ROBO2: variants seen among roughly 807,000 people sequenced by gnomAD.
The protein encoded by ROBO2 is roundabout guidance receptor 2, also known as roundabout homolog 2.
In ROBO2, 53 loss-of-function variants were observed where a neutral mutation model predicts 160.8. The observed-to-expected ratio is 0.33, with a 90% CI of 0.26 to 0.41. The LOEUF (loss-of-function observed/expected upper bound fraction) is 0.41. Among genes scored for constraint, ROBO2 ranks in the 10% least tolerant of loss-of-function variants. ROBO2 has a pLI of 1.00. For missense variants in ROBO2, 1,577 were observed against 1,722.4 expected (o/e 0.92, Z 1.49); for synonymous variants, 664 against 611.7 (o/e 1.09, Z -1.26).
intron 2 of ROBO2, among the ~76,000 whole-genome samples, chr3:76,651,926 C>T (rs2091274857): frequency 6.6e-6 from 1 of 152,138 alleles, no homozygotes; most frequent in South Asian, 2.1e-4. Context: ...AAGTACCTCC[C>T]CTTCCTTGCT....
At chr3:76,175,074 T>C (rs1425732319) in intron 2 of ROBO2, among the ~76,000 whole-genome samples, 1 of 152,158 alleles carries the variant, frequency 6.6e-6, no homozygotes, top group Non-Finnish European at 1.5e-5. Context: ...GAAGAGGTCC[T>C]TCATGTCCCT....
chr3:77,130,814 A>G (rs1207344146), intron 2 of ROBO2, among the ~76,000 whole-genome samples: 1 of 152,162 alleles, frequency 6.6e-6, no homozygotes, highest in East Asian at 1.9e-4. Flanking sequence ...CTTCAAAGTA[A>G]TCGCCATGAT....
intron 2 of ROBO2, among the ~76,000 whole-genome samples, chr3:76,003,595 C>T (rs374929423): frequency 6.6e-6 from 1 of 152,106 alleles, no homozygotes; most frequent in Non-Finnish European, 1.5e-5. Flanking sequence ...TACAGTTGGC[C>T]TTTCATGTGT....
In ROBO2 at chr3:77,474,691, C is replaced by CACACACACACACAT. The variant is rs1553973682; in HGVS notation, c.389-2723_389-2722insACACACACACACAT. On this transcript the variant is annotated intron_variant, in intron 2 of 25. Transcript: ENST00000461745. ...ACACACACACACACACACACACACA[C>CACACACACACACAT]TCAATTTAGAATTTAAAATTGCTTT... Among the ~76,000 whole-genome samples the CACACACACACACAT allele has an allele frequency of 1.5e-4, 22 of 150,854 alleles. 1 individual carries two copies. Among genetic ancestry groups the CACACACACACACAT allele is most frequent in the Admixed American group, 1.1e-3 (17 of 15,132 alleles).
intron 2 of ROBO2, among the ~76,000 whole-genome samples, chr3:76,513,379 G>C (rs2081196115): frequency 6.6e-6 from 1 of 152,022 alleles, no homozygotes; most frequent in African/African-American, 2.4e-5. Flanking sequence ...CTGAGGAAGA[G>C]TCTCACTCTG....
At chr3:76,008,232 C>CAAAAAAAAAAAA (rs5850225) in intron 2 of ROBO2, among the ~76,000 whole-genome samples, 1 of 82,280 alleles carries the variant, frequency 1.2e-5, no homozygotes, top group East Asian at 3.5e-4. Context: ...AAGACTCTGT[C>CAAAAAAAAAAAA]AAAAAAAAAA....
Position 76,443,957 on chromosome 3 carries a change from T to A in ROBO2, c.109+506355T>A, listed in dbSNP as rs142834150. On this transcript the variant is annotated intron_variant, in intron 2 of 26. Transcript: ENST00000487694. ...CATTTCTCCAAATGTTTTTAGATTT[T>A]AAAAAATATCATTATTATTATTATT... Among the ~76,000 whole-genome samples the A allele has an allele frequency of 4.2e-3, 642 of 152,156 alleles. 1 individual carries two copies. The highest frequency in any genetic ancestry group is 0.023 in the South Asian group (112 of 4,814).
chr3:77,214,977 G>A (rs1437977704), intron 2 of ROBO2, among the ~76,000 whole-genome samples: 5 of 152,224 alleles, frequency 3.3e-5, no homozygotes, highest in Admixed American at 2.6e-4. Context: ...TTCCCTTTGT[G>A]GGTAACCCGA....
intron 2 of ROBO2, among the ~76,000 whole-genome samples, chr3:77,406,984 A>G (rs1291348088): frequency 1.3e-5 from 2 of 152,146 alleles, no homozygotes; most frequent in African/African-American, 4.8e-5. Flanking sequence ...TAACGTTTTT[A>G]ATAGCTGTAA....
At chr3:77,332,249 T>C (rs1051273389) in intron 2 of ROBO2, among the ~76,000 whole-genome samples, 6 of 152,208 alleles carry the variant, frequency 3.9e-5, no homozygotes, top group Non-Finnish European at 7.3e-5. Flanking sequence ...CTCTTGCCTT[T>C]GTTTTCATTG....
intron 2 of ROBO2, among the ~76,000 whole-genome samples, chr3:77,399,578 G>A (rs1318187842): frequency 6.6e-6 from 1 of 152,032 alleles, no homozygotes; most frequent in Non-Finnish European, 1.5e-5. Context: ...AGGATGGAAT[G>A]GTACCTTAAT....
chr3:76,688,877 T>TA (rs2092740085), intron 2 of ROBO2, among the ~76,000 whole-genome samples: 1 of 151,994 alleles, frequency 6.6e-6, no homozygotes, highest in Non-Finnish European at 1.5e-5. Flanking sequence ...AAACATGGTA[T>TA]AAAAAATGAG....
At chr3:76,113,789 C>T (rs955217851) in intron 2 of ROBO2, among the ~76,000 whole-genome samples, 58 of 152,110 alleles carry the variant, frequency 3.8e-4, no homozygotes, top group Admixed American at 1.0e-3. Context: ...GAGGTGGGAC[C>T]TCATGGGAGG....
rs146142631 is a variant in ROBO2 at position 77,263,133 on chromosome 3, G to A, written c.388+164793G>A. On this transcript the variant is annotated intron_variant, in intron 2 of 25. Transcript: ENST00000461745. ...TTGTAGAACCATTAAGTCAATTAGG[G>A]AATTTAAAATTCTGAACTATGGTGG... Among the ~76,000 whole-genome samples the A allele has an allele frequency of 1.8e-3, 270 of 152,080 alleles. 3 individuals carry two copies. Among genetic ancestry groups the A allele is most frequent in the African/African-American group, 5.1e-3 (210 of 41,476 alleles).
chr3:77,489,521 C>T (rs985493641), intron 4 of ROBO2, among the ~76,000 whole-genome samples: 2 of 152,108 alleles, frequency 1.3e-5, no homozygotes, highest in Non-Finnish European at 2.9e-5. Context: ...AACAATGAGG[C>T]TTAGAACAAG....
At chr3:76,337,177 C>T (rs1250137637) in intron 2 of ROBO2, among the ~76,000 whole-genome samples, 2 of 152,064 alleles carry the variant, frequency 1.3e-5, no homozygotes, top group Non-Finnish European at 2.9e-5. Context: ...ATTTTCATGG[C>T]CAAAATTGTT....
chr3:77,068,615 A>G (rs1354299873), intron 1 of ROBO2, among the ~76,000 whole-genome samples: 8 of 152,158 alleles, frequency 5.3e-5, no homozygotes, highest in Non-Finnish European at 1.2e-4. Context: ...TATATCTTAA[A>G]ATATAATTCA....
intron 2 of ROBO2, among the ~76,000 whole-genome samples, chr3:76,615,254 C>G (rs1233409684): frequency 6.6e-6 from 1 of 151,928 alleles, no homozygotes; most frequent in African/African-American, 2.4e-5. Context: ...TTTTGAAAAT[C>G]AGTTGTATTG....
In ROBO2 at chr3:76,182,411, A is replaced by G. The variant is rs147151443; in HGVS notation, c.109+244809A>G. Among the ~76,000 whole-genome samples the G allele has an allele frequency of 3.0e-4, 46 of 152,272 alleles. No individual in the cohort carries two copies. The South Asian group carries it at 5.0e-3, about 16-fold the overall frequency. ...TGAACTCTTTTAGTTATTATATTCA[A>G]TGGCAGTTTTCTGTAGCTGGGGAGT... On this transcript the variant is annotated intron_variant, in intron 2 of 26. Transcript: ENST00000487694.
Sources: gnomAD v4.1 joint callset for allele counts (sites outside exome capture counted in the v4.1 genomes callset) on GRCh38, gnomAD v4.1.1 for gene constraint, MANE v1.5 for transcripts, NCBI Gene and HGNC (gene_info 2026-07-23, HGNC 2026-07-21) for gene names.